Variants in AGO2 observed in about 807,000 individuals in gnomAD.
AGO2 encodes protein argonaute-2.
In AGO2, 5 loss-of-function variants were observed where a neutral mutation model predicts 102.3. That is an observed-to-expected ratio of 0.05 (90% CI 0.03 to 0.10). AGO2 has a LOEUF of 0.10. AGO2 is among the 10% of genes least tolerant of loss of function. The pLI is 1.00. For missense variants in AGO2, 541 were observed against 1,183.7 expected (o/e 0.46, Z 7.97); for synonymous variants, 449 against 473.1 (o/e 0.95, Z 0.66).
intron 5 of AGO2, among the ~76,000 whole-genome samples, chr8:140,559,951 A>T (rs1288641851): frequency 6.6e-6 from 1 of 152,226 alleles, no homozygotes; most frequent in Non-Finnish European, 1.5e-5. Flanking sequence ...TCAGCTCCCA[A>T]ATGAGAAGAC....
intron 1 of AGO2, chr8:140,626,690 A>G (rs2074282753): frequency 6.6e-6 from 1 of 152,298 alleles, no homozygotes; most frequent in Admixed American, 6.5e-5. Context: ...TGAGGCGGGC[A>G]TCCTGCAACG....
intron 1 of AGO2, among the ~76,000 whole-genome samples, chr8:140,609,572 A>G (rs2074049235): frequency 1.3e-5 from 2 of 152,078 alleles, no homozygotes; most frequent in East Asian, 1.9e-4. Context: ...TGCCATCTCA[A>G]TGAGGCCTCC....
At chr8:140,537,000 G>T (rs905376118) in intron 16 of AGO2, among the ~76,000 whole-genome samples, 98 of 152,208 alleles carry the variant, frequency 6.4e-4, no homozygotes, top group African/African-American at 2.3e-3. Context: ...GGCTTGACAG[G>T]ACATTCTCGA....
At chr8:140,580,510 T>G (rs2073540319) in intron 2 of AGO2, among the ~76,000 whole-genome samples, 1 of 152,222 alleles carries the variant, frequency 6.6e-6, no homozygotes. Context: ...AGACTCATGA[T>G]GGGCTCAGGG....
At chr8:140,569,506 T>G (rs1343140285) in intron 3 of AGO2, among the ~76,000 whole-genome samples, 2 of 152,232 alleles carry the variant, frequency 1.3e-5, no homozygotes, top group African/African-American at 4.8e-5. Context: ...TCCTAAACAG[T>G]GCTCCTTCTG....
At chr8:140,553,383 C>A (rs1411766143) in intron 10 of AGO2, among the ~76,000 whole-genome samples, 1 of 150,496 alleles carries the variant, frequency 6.6e-6, no homozygotes, top group Admixed American at 6.6e-5. Context: ...CACTCTGCCT[C>A]AAACAAGTTA....
At chr8:140,634,399 A>T (rs1447255827) in intron 1 of AGO2, among the ~76,000 whole-genome samples, 1 of 152,224 alleles carries the variant, frequency 6.6e-6, no homozygotes. Context: ...ACATAAGCCC[A>T]GAGCCCGGCG....
chr8:140,588,293 C>T (rs1055541868), intron 1 of AGO2, among the ~76,000 whole-genome samples: 2 of 152,156 alleles, frequency 1.3e-5, no homozygotes, highest in African/African-American at 4.8e-5. Context: ...TAGCACAGCG[C>T]ACCTCAGTCA....
intron 7 of AGO2, among the ~76,000 whole-genome samples, chr8:140,558,076 C>T (rs958677815): frequency 8.5e-5 from 13 of 152,232 alleles, no homozygotes; most frequent in Non-Finnish European, 1.3e-4. Flanking sequence ...ACTCTCACCC[C>T]CCACTCCGGC....
intron 8 of AGO2, 57 bp from the exon 9 acceptor site, chr8:140,556,343 C>A: frequency 6.3e-7 from 1 of 1,598,682 alleles, no homozygotes; most frequent in South Asian, 1.1e-5. Flanking sequence ...ACCAGGGGAG[C>A]AGGCAGGGGG....
chr8:140,615,973 T>C (rs537822114), intron 1 of AGO2, among the ~76,000 whole-genome samples: 1 of 152,376 alleles, frequency 6.6e-6, no homozygotes, highest in African/African-American at 2.4e-5. Context: ...ACATGCTTTC[T>C]GATATCATTC....
intron 12 of AGO2, 132 bp from the exon 13 acceptor site, chr8:140,547,759 G>A (rs575517470): frequency 2.3e-5 from 29 of 1,288,128 alleles, no homozygotes; most frequent in South Asian, 1.4e-4. Context: ...TGAGCTTTGC[G>A]TGTCCCCCTC....
At chr8:140,622,317 TG>T (rs2074229630) in intron 1 of AGO2, among the ~76,000 whole-genome samples, 1 of 118,958 alleles carries the variant, frequency 8.4e-6, no homozygotes, top group African/African-American at 3.3e-5. Context: ...GGGGGAATAA[TG>T]CACATGGGGT....
intron 10 of AGO2, among the ~76,000 whole-genome samples, chr8:140,552,984 G>T (rs2073028403): frequency 6.6e-6 from 1 of 152,182 alleles, no homozygotes; most frequent in Admixed American, 6.5e-5. Flanking sequence ...CTTTCTGAGG[G>T]ATATTTTGTT....
chr8:140,569,798 G>A (rs891748321), intron 3 of AGO2, among the ~76,000 whole-genome samples: 1 of 152,160 alleles, frequency 6.6e-6, no homozygotes, highest in Admixed American at 6.5e-5. Context: ...TTTCCACACA[G>A]GGGCTGGGAT....
chr8:140,578,822 G>A (rs983545612), intron 2 of AGO2, among the ~76,000 whole-genome samples: 1 of 152,264 alleles, frequency 6.6e-6, no homozygotes, highest in Non-Finnish European at 1.5e-5. Context: ...CCCGCACGGG[G>A]CCGGGGCCGC....
chr8:140,577,040 T>A (rs2073476114), intron 2 of AGO2, among the ~76,000 whole-genome samples: 1 of 151,872 alleles, frequency 6.6e-6, no homozygotes, highest in Non-Finnish European at 1.5e-5. Flanking sequence ...ACCCTGTCTC[T>A]ACTTAAAAAT....
rs752072138 is a variant in AGO2 at position 140,600,844 on chromosome 8, C to T, written c.23-15533G>A. Reference sequence around the variant, plus strand: ...CCCAGTGAGTGGGTCACCAAGACCCCGTAGGATTGACGGGGAGGTGGAGGT... The same window carrying T: ...CCCAGTGAGTGGGTCACCAAGACCCTGTAGGATTGACGGGGAGGTGGAGGT... On this transcript the variant is annotated intron_variant, in intron 1 of 18. Transcript: ENST00000220592. Among the ~76,000 whole-genome samples, 81 of 150,472 alleles carry T rather than the reference C, an allele frequency of 5.4e-4. 1 individual carries two copies. Among genetic ancestry groups the T allele is most frequent in the Non-Finnish European group, 5.3e-4 (36 of 67,788 alleles).
intron 10 of AGO2, among the ~76,000 whole-genome samples, chr8:140,553,111 C>T (rs796715016): frequency 7.9e-5 from 12 of 152,314 alleles, no homozygotes; most frequent in African/African-American, 2.4e-4. Context: ...AAGCATTACA[C>T]GCTCAGTCAG....
Sources: gnomAD v4.1 joint callset for allele counts (sites outside exome capture counted in the v4.1 genomes callset) on GRCh38, gnomAD v4.1.1 for gene constraint, MANE v1.5 for transcripts, NCBI Gene and HGNC (gene_info 2026-07-23, HGNC 2026-07-21) for gene names.